CLSTN3: variants seen among roughly 807,000 people sequenced by gnomAD.
CLSTN3 encodes the protein calsyntenin 3, also known as calsyntenin-3.
Under a neutral mutation model 95.9 loss-of-function variants are expected in CLSTN3, and 36 were observed. That is an observed-to-expected ratio of 0.38 (90% confidence interval 0.29 to 0.50). The LOEUF (loss-of-function observed/expected upper bound fraction) is 0.50, where lower values mean the gene tolerates loss of function less well. CLSTN3 is among the 20% of genes least tolerant of loss of function. CLSTN3 has a pLI of 0.95. For missense variants in CLSTN3, 1,084 were observed against 1,268.8 expected (o/e 0.85, Z 2.21); for synonymous variants, 481 against 504.0 (o/e 0.95, Z 0.61).
chr12:7,150,526 G>A lies in CLSTN3; in HGVS notation c.2246-18G>A. The A allele has an allele frequency of 6.2e-7, 1 of 1,603,570 alleles. No homozygotes were observed. Among genetic ancestry groups the A allele is most frequent in the Non-Finnish European group, 8.5e-7 (1 of 1,172,252 alleles). ...TGCCTCCACTGGCCCCTGCCCTGAGGTGCTTCCTCATCTCCAGGGGTGGAG... is the reference window on the plus strand; with the variant it reads ...TGCCTCCACTGGCCCCTGCCCTGAGATGCTTCCTCATCTCCAGGGGTGGAG... On this transcript the variant is annotated intron_variant, in intron 14 of 17. Coordinates refer to ENST00000266546, the MANE Select transcript of CLSTN3 (RefSeq NM_014718.4). The surrounding 1 kb of genome is among the most constrained non-coding windows in gnomAD (Gnocchi z 4.0).
chr12:7,130,288 CGCTGCAGCACCTGGTCCCCCCCCCT>C (rs1939259385), upstream of CLSTN3: 1 of 822,524 alleles, frequency 1.2e-6, no homozygotes, highest in Non-Finnish European at 1.7e-6. Flanking sequence ...CTCCCTCCCC[CGCTGCAGCACCTGGTCCCCCCCCCT>C]CCCAGTCACC....
At chr12:7,131,340 C>T in intron 1 of CLSTN3, 1 of 219,624 alleles carries the variant, frequency 4.6e-6, no homozygotes. Context: ...GGAGGGCTTG[C>T]GGGCAGAGGG....
Position 7,158,189 on chromosome 12 carries a change from G to T in CLSTN3, c.*108G>T. ...AACACAGAGACCAAGAGGGAGAGAG[G>T]CTTCAGAACCAGTCCTCCTTTCATT... is the stretch of plus-strand genomic sequence containing the variant. On this transcript the variant is annotated 3_prime_UTR_variant, in exon 18 of 18. Transcript: ENST00000266546. The T allele has an allele frequency of 3.0e-6, 4 of 1,331,786 alleles. No homozygotes were observed. Among genetic ancestry groups the T allele is most frequent in the Middle Eastern group, 1.9e-4 (1 of 5,278 alleles). 82.5% of individuals were successfully genotyped at this position (1,331,786 alleles called of 1,614,324 possible).
rs1003763266 is a variant in CLSTN3, at chr12:7,141,012, C to T, written c.1324-230C>T. Among the ~76,000 whole-genome samples the T allele has an allele frequency of 6.6e-6, 1 of 152,210 alleles. No homozygotes were observed. The highest frequency in any genetic ancestry group is 1.5e-5 in the Non-Finnish European group (1 of 68,040). On this transcript the variant is annotated intron_variant, in intron 8 of 17. Coordinates refer to ENST00000266546, the MANE Select transcript of CLSTN3 (RefSeq NM_014718.4). The surrounding 1 kb of genome is among the most constrained non-coding windows in gnomAD (Gnocchi z 4.1). ...CTCTTAGGAATATTTATAGCTTTAA[C>T]GATTTACCTGAAGAGTGGAATCTTT...
rs1939460805 is a variant in CLSTN3, at chr12:7,138,013, C to T, written c.1269C>T (p.Tyr423=). Residue 423 remains tyrosine, a synonymous_variant, in exon 8 of 18, where the codon TAC becomes TAT. Coordinates refer to ENST00000266546, the MANE Select transcript of CLSTN3 (RefSeq NM_014718.4). ...ACGGCTGTAGGATTGCCTTCCTCTA[C>T]TGGCCCCTGCTTGAGAGTGCCCGCC... ...TVHGCRIAFL[Y]WPLLESARPV... 6.2e-7 allele frequency: 1 copy of T among 1,613,952 alleles called. No homozygotes were observed. The highest frequency in any genetic ancestry group is 8.5e-7 in the Non-Finnish European group (1 of 1,179,978).
intron 16 of CLSTN3, chr12:7,156,311 C>G (rs758212042): frequency 2.2e-6 from 1 of 457,106 alleles, no homozygotes; most frequent in South Asian, 1.5e-5. Flanking sequence ...GGCTTTCCTG[C>G]TTTTCTTCCT....
chr12:7,153,960 G>T (rs1939769463), intron 16 of CLSTN3, among the ~76,000 whole-genome samples: 1 of 152,076 alleles, frequency 6.6e-6, no homozygotes, highest in Non-Finnish European at 1.5e-5. Flanking sequence ...CCTCCCCTCG[G>T]TGAAGCCCAG....
intron 12 of CLSTN3, among the ~76,000 whole-genome samples, chr12:7,145,392 T>C (rs1939607508): frequency 6.6e-6 from 1 of 151,876 alleles, no homozygotes; most frequent in Non-Finnish European, 1.5e-5. Context: ...TGTGTGTATG[T>C]AACAGACACA....
chr12:7,131,822 G>C (rs1357555213), intron 1 of CLSTN3: 1 of 456,460 alleles, frequency 2.2e-6, no homozygotes. Context: ...TTCAGGAAGG[G>C]GTTATGGTGG....
chr12:7,130,583 G>GA lies in CLSTN3; in HGVS notation c.-64dup. ...CCCCCTGTATCCCTCCCGCAAGGTG[G>GA]AATCCGCAGGCTGGAGGCTCCCAGG... On this transcript the variant is annotated 5_prime_UTR_variant, in exon 1 of 18. Coordinates refer to ENST00000266546, the MANE Select transcript of CLSTN3 (RefSeq NM_014718.4). The GA allele has an allele frequency of 2.6e-6, 4 of 1,549,676 alleles. No individual in the cohort carries two copies. The highest frequency in any genetic ancestry group is 3.5e-6 in the Non-Finnish European group (4 of 1,147,020).
At chr12:7,138,625 A>T (rs1939472820) in intron 8 of CLSTN3, 1 of 151,988 alleles carries the variant, frequency 6.6e-6, no homozygotes, top group Admixed American at 6.6e-5. Context: ...TGTATATGTT[A>T]ATTCTCACTA....
intron 16 of CLSTN3, 135 bp downstream of exon 16, chr12:7,151,198 C>T (rs1298503058): frequency 2.0e-6 from 2 of 1,000,946 alleles, no homozygotes; most frequent in Non-Finnish European, 1.4e-6. Context: ...GTGGTACCTG[C>T]CTTAGTTGAC....
chr12:7,149,971 TCTC>T lies in CLSTN3; in HGVS notation c.2245+284_2245+286del, dbSNP rs1217692425. Among the ~76,000 whole-genome samples, 4 of 152,158 alleles carry T rather than the reference TCTC, an allele frequency of 2.6e-5. No individual in the cohort carries two copies. Among genetic ancestry groups the T allele is most frequent in the Non-Finnish European group, 5.9e-5 (4 of 68,036 alleles). Reference sequence around the variant, plus strand: ...TTTCCATTCAGGCTTCTCACCTTCCTCTCCTCCTTCGGCTCATCTCTGCCCAGC... The same window carrying T: ...TTTCCATTCAGGCTTCTCACCTTCCTCTCCTTCGGCTCATCTCTGCCCAGC... On this transcript the variant is annotated intron_variant, in intron 14 of 17. Transcript: ENST00000266546. This position sits in a 1 kb window ranked among gnomAD's most constrained non-coding sequence, Gnocchi z 4.5.
Position 7,141,334 on chromosome 12 carries a change from C to T in CLSTN3, c.1416C>T (p.Leu472=), listed in dbSNP as rs1027608950. 3.7e-6 allele frequency: 6 copies of T among 1,614,108 alleles called. No homozygotes were observed. The highest frequency in any genetic ancestry group is 5.1e-6 in the Non-Finnish European group (6 of 1,180,038). ...ACGGCATCTCCTTCGACCCTGCCCT[C>T]ATCCATGACAATGGCCTCATCCACC... is the stretch of plus-strand genomic sequence containing the variant. The part of the protein sequence containing the change: ...YTDGISFDPA[L]IHDNGLIHPP... The change falls in exon 9 of 18, where the codon CTC becomes CTT. Residue 472 remains leucine (L), a synonymous_variant. Coordinates refer to ENST00000266546, the MANE Select transcript of CLSTN3 (RefSeq NM_014718.4). This position sits in a 1 kb window ranked among gnomAD's most constrained non-coding sequence, Gnocchi z 4.1.
Position 7,149,212 on chromosome 12 carries a change from CG to C in CLSTN3, c.2074+18del, listed in dbSNP as rs749020272. The C allele has an allele frequency of 1.6e-5, 24 of 1,524,022 alleles. No individual in the cohort carries two copies. The highest frequency in any genetic ancestry group is 7.1e-5 in the Admixed American group (4 of 56,692). The allele number at this position is 1,524,022 out of a possible 1,614,324, so 94.4% of individuals were successfully genotyped here. ...GGCAGGGCACAGGTAAGGACGACTT[CG>C]GGGAGTAACACCATCCAGAGAACCA... is the stretch of plus-strand genomic sequence containing the variant. On this transcript the variant is annotated intron_variant, in intron 13 of 17. Coordinates refer to ENST00000266546, the MANE Select transcript of CLSTN3 (RefSeq NM_014718.4). The surrounding 1 kb of genome is among the most constrained non-coding windows in gnomAD (Gnocchi z 4.5).
In CLSTN3 at chr12:7,141,171, G is replaced by A; in HGVS notation, c.1324-71G>A. On this transcript the variant is annotated intron_variant, in intron 8 of 17. Transcript: ENST00000266546. The surrounding 1 kb of genome is among the most constrained non-coding windows in gnomAD (Gnocchi z 4.1). The stretch of plus-strand genomic sequence containing the variant: ...CTGTCCCCTGTCTCCCAGGAGATGG[G>A]GCAGTGCCTAGGGTTAGCTCTCTGA... The A allele has an allele frequency of 6.7e-7, 1 of 1,489,572 alleles. No homozygotes were observed. Among genetic ancestry groups the A allele is most frequent in the Non-Finnish European group, 9.1e-7 (1 of 1,093,648 alleles). The allele number at this position is 1,489,572 out of a possible 1,614,324, so 92.3% of individuals were successfully genotyped here.
intron 10 of CLSTN3, among the ~76,000 whole-genome samples, chr12:7,142,517 C>T (rs912086493): frequency 2.6e-5 from 4 of 151,972 alleles, no homozygotes; most frequent in African/African-American, 7.3e-5. Flanking sequence ...CTCCTGCCGC[C>T]TCCCCCTCCC....
chr12:7,139,998 G>T (rs1055532646), intron 8 of CLSTN3, among the ~76,000 whole-genome samples: 3 of 152,152 alleles, frequency 2.0e-5, no homozygotes, highest in African/African-American at 7.2e-5. Flanking sequence ...TGTATTGAAG[G>T]TATCTAATGG....
In CLSTN3 at chr12:7,149,102, G is replaced by A; in HGVS notation, c.1978G>A (p.Gly660Arg). The A allele has an allele frequency of 6.2e-7, 1 of 1,614,206 alleles. No homozygotes were observed. The highest frequency in any genetic ancestry group is 1.1e-5 in the South Asian group (1 of 91,082). The part of the protein sequence containing the change: ...HFARPAVDFE[G>R]TNGVPLFPDL... ...TGCCCGCCCAGCTGTGGACTTTGAG[G>A]GAACCAACGGCGTCCCTTTGTTCCC... The change falls in exon 13 of 18, where the codon GGA becomes AGA. Residue 660 changes from glycine to arginine, a missense_variant. Transcript: ENST00000266546. This position sits in a 1 kb window ranked among gnomAD's most constrained non-coding sequence, Gnocchi z 4.5.
Sources: gnomAD v4.1 joint callset for allele counts (sites outside exome capture counted in the v4.1 genomes callset) on GRCh38, gnomAD v4.1.1 for gene constraint, Gnocchi (gnomAD v3.1) non-coding constraint, MANE v1.5 for transcripts, NCBI Gene and HGNC (gene_info 2026-07-23, HGNC 2026-07-21) for gene names.